PCID2: variants seen among roughly 807,000 people sequenced by gnomAD.
PCID2 encodes the protein PCI domain-containing protein 2.
A neutral mutation model predicts 61.3 loss-of-function variants in PCID2; 41 were observed. That is an observed-to-expected ratio of 0.67 (90% CI 0.52 to 0.87). The LOEUF is 0.87. PCID2 is among the 40% of genes least tolerant of loss of function. PCID2 has a pLI of 0.00. For synonymous variants in PCID2, 187 were observed against 177.8 expected (o/e 1.05, Z -0.41); for missense variants, 392 against 493.4 (o/e 0.79, Z 1.95).
intron 1 of PCID2, among the ~76,000 whole-genome samples, chr13:113,202,539 T>C (rs550191361): frequency 1.2e-4 from 18 of 152,218 alleles, no homozygotes; most frequent in Non-Finnish European, 2.5e-4. Context: ...TATGCAACCA[T>C]TTTTTGAAAA....
intron 2 of PCID2, among the ~76,000 whole-genome samples, chr13:113,199,264 C>T (rs540526603): frequency 2.0e-5 from 3 of 152,074 alleles, no homozygotes; most frequent in African/African-American, 7.2e-5. Context: ...AACAAGAGGT[C>T]GAGGAAGAAA....
chr13:113,173,737 T>G (rs2037150352), downstream of PCID2, among the ~76,000 whole-genome samples: 2 of 152,226 alleles, frequency 1.3e-5, no homozygotes, highest in Admixed American at 1.3e-4. Context: ...AATTTTAAAG[T>G]CTTAGTGAAG....
chr13:113,165,433 G>C, the PCID2 span, among the ~76,000 whole-genome samples: 1 of 152,186 alleles, frequency 6.6e-6, no homozygotes, highest in Non-Finnish European at 1.5e-5. Context: ...TGGCATTCTA[G>C]CTTTGTTACT....
rs1303020343 is a variant in PCID2 at position 113,189,734 on chromosome 13, G to A, written c.467+1138C>T. Among the ~76,000 whole-genome samples the A allele has an allele frequency of 6.3e-5, 7 of 110,816 alleles. No homozygotes were observed. The East Asian group carries it at 8.9e-4, about 14-fold the overall frequency. 72.7% of individuals were successfully genotyped at this position (110,816 alleles called of 152,430 possible). On this transcript the variant is annotated intron_variant, in intron 7 of 13. Transcript: ENST00000337344. ...TGAAGGAGAGGAAAAAAAAAAAAAA[G>A]GATTGAGGTCAGGTGCAGTGGCTCA...
At position 113,184,489 on chromosome 13, in the gene PCID2, T is replaced by A; in HGVS notation, c.544-2A>T. The A allele has an allele frequency of 6.5e-7, 1 of 1,541,144 alleles. No individual in the cohort carries two copies. Among genetic ancestry groups the A allele is most frequent in the Non-Finnish European group, 9.0e-7 (1 of 1,115,172 alleles). On this transcript the variant is annotated splice_acceptor_variant, in intron 8 of 13. Coordinates refer to ENST00000337344, the MANE Select transcript of PCID2 (RefSeq NM_001127202.4). LOFTEE classifies it high-confidence loss of function. ...TTTACATAAATGGAGTTTGTTGATC[T>A]ATAATGAATAACAATCCATTTAAAA...
chr13:113,201,738 GGAGGCGGA>G (rs1162252605), intron 1 of PCID2, among the ~76,000 whole-genome samples: 1 of 150,780 alleles, frequency 6.6e-6, no homozygotes, highest in African/African-American at 2.4e-5. Flanking sequence ...CGCGAACCCA[GGAGGCGGA>G]GCTTGCATGC....
At chr13:113,178,866 A>C (rs1041853497) in intron 13 of PCID2, 100 bp downstream of exon 13, 4 of 1,196,956 alleles carry the variant, frequency 3.3e-6, no homozygotes, top group Non-Finnish European at 4.7e-6. Flanking sequence ...AAAAAGCAGA[A>C]GGCCTTTTAA....
intron 6 of PCID2, among the ~76,000 whole-genome samples, chr13:113,194,760 G>A (rs1273076013): frequency 1.3e-5 from 2 of 152,146 alleles, no homozygotes; most frequent in Non-Finnish European, 2.9e-5. Context: ...AAAGGTAGAA[G>A]AGATGCAGAA....
At chr13:113,189,895 C>A (rs1388537913) in intron 7 of PCID2, among the ~76,000 whole-genome samples, 35 of 151,900 alleles carry the variant, frequency 2.3e-4, no homozygotes, top group Non-Finnish European at 5.9e-5. Context: ...TGGTGGCATG[C>A]GCCTGTAATC....
At chr13:113,206,937 G>C (rs765066583) in intron 1 of PCID2, among the ~76,000 whole-genome samples, 4 of 152,122 alleles carry the variant, frequency 2.6e-5, no homozygotes, top group Non-Finnish European at 5.9e-5. Context: ...AGGAGTCTCA[G>C]GTTTGTATCT....
intron 7 of PCID2, chr13:113,187,573 C>T (rs2038229258): frequency 6.6e-6 from 1 of 152,168 alleles, no homozygotes. Context: ...ATGCATTAGT[C>T]ATTGGTGACT....
chr13:113,187,809 T>C (rs1459818437), intron 7 of PCID2: 2 of 152,246 alleles, frequency 1.3e-5, no homozygotes, highest in African/African-American at 4.8e-5. Flanking sequence ...TTTGAGAATG[T>C]CCTTTGAAGT....
chr13:113,184,607 A>T (rs1171786569), intron 8 of PCID2, 120 bp from the exon 9 acceptor site: 9 of 641,232 alleles, frequency 1.4e-5, no homozygotes, highest in Non-Finnish European at 2.5e-5. Context: ...CATAACAATT[A>T]TTTATATAAT....
Position 113,195,091 on chromosome 13 carries a change from G to C in PCID2, c.343C>G (p.Leu115Val). 6.2e-7 allele frequency: 1 copy of C among 1,610,556 alleles called. No homozygotes were observed. Among genetic ancestry groups the C allele is most frequent in the Non-Finnish European group, 8.5e-7 (1 of 1,176,732 alleles). ...LPVMYAVALD[L>V]RVFANNADQQ... ...CTTACATTATTGGCAAACACTCGAAGGTCAAGCGCTACTGCATACATGACA... is the reference window on the plus strand; with the variant it reads ...CTTACATTATTGGCAAACACTCGAACGTCAAGCGCTACTGCATACATGACA... Residue 115 changes from leucine to valine, a missense_variant, in exon 6 of 14, where the codon CTT (leucine) becomes GTT (valine). Physicochemically the swap from Leu to Val is conservative, Grantham distance 32 (BLOSUM62 1). This residue lies in a region of PCID2 where 155 missense variants were observed against 164.9 expected (regional missense o/e 0.94). Transcript: ENST00000337344.
intron 1 of PCID2, among the ~76,000 whole-genome samples, chr13:113,205,338 GC>G (rs1448508241): frequency 1.3e-5 from 2 of 152,306 alleles, no homozygotes; most frequent in South Asian, 2.1e-4. Context: ...TCCGCACCCA[GC>G]AGGATGGCCA....
At chr13:113,208,319 G>C (rs2040097153) in intron 1 of PCID2, 1 of 1,433,076 alleles carries the variant, frequency 7.0e-7, no homozygotes, top group Middle Eastern at 2.6e-4. Context: ...AGCAAGTGAG[G>C]GCAGCGACCT....
At chr13:113,208,037 A>T (rs371242873) in intron 1 of PCID2, 4 of 1,612,782 alleles carry the variant, frequency 2.5e-6, no homozygotes, top group Admixed American at 3.3e-5. Context: ...CTGTTGAACA[A>T]CATCTGTCAG....
the PCID2 span, among the ~76,000 whole-genome samples, chr13:113,170,165 C>T: frequency 6.6e-6 from 1 of 152,176 alleles, no homozygotes; most frequent in African/African-American, 2.4e-5. Context: ...TGTTACTTCA[C>T]CTGGGCCGAA....
chr13:113,207,995 C>T, intron 1 of PCID2: 1 of 1,587,204 alleles, frequency 6.3e-7, no homozygotes, highest in East Asian at 2.2e-5. Context: ...TACAAGTGTC[C>T]ATCTTTTAAC....
Sources: allele counts gnomAD v4.1 joint callset (sites outside exome capture counted in the v4.1 genomes callset), GRCh38; gene constraint gnomAD v4.1.1; regional missense constraint gnomAD v4.1.1; transcripts MANE v1.5; gene names NCBI Gene and HGNC (gene_info 2026-07-23, HGNC 2026-07-21).